Variants in COL23A1 observed in about 807,000 individuals in gnomAD.
COL23A1 encodes collagen alpha-1(XXIII) chain.
Under a neutral mutation model 99.3 loss-of-function variants are expected in COL23A1, and 97 were observed. The observed-to-expected ratio is 0.98, with a 90% confidence interval of 0.83 to 1.16. COL23A1 has a LOEUF of 1.16. Among genes scored for constraint, COL23A1 ranks in the 50% most tolerant of loss-of-function variants. COL23A1 has a pLI of 0.00. For missense variants in COL23A1, 762 were observed against 757.4 expected (o/e 1.01, Z -0.07); for synonymous variants, 320 against 308.2 (o/e 1.04, Z -0.40).
chr5:178,455,201 A>G (rs1767704016), intron 2 of COL23A1, among the ~76,000 whole-genome samples: 3 of 152,194 alleles, frequency 2.0e-5, no homozygotes, highest in Admixed American at 6.5e-5. Context: ...ACACAGTTCA[A>G]CCCGTACCAC....
At chr5:178,487,625 A>T (rs1757707506) in intron 2 of COL23A1, among the ~76,000 whole-genome samples, 1 of 152,184 alleles carries the variant, frequency 6.6e-6, no homozygotes, top group African/African-American at 2.4e-5. Flanking sequence ...TGTCCGGGGA[A>T]TGACTCCGGA....
intron 2 of COL23A1, among the ~76,000 whole-genome samples, chr5:178,348,440 C>T (rs748081): frequency 5.9e-5 from 9 of 151,974 alleles, no homozygotes; most frequent in East Asian, 1.9e-4. Flanking sequence ...CCACCCCCAC[C>T]GCAGCCCTGT....
chr5:178,381,875 A>T (rs1763399093), intron 2 of COL23A1, among the ~76,000 whole-genome samples: 1 of 152,096 alleles, frequency 6.6e-6, no homozygotes, highest in African/African-American at 2.4e-5. Context: ...AGCTCAAACC[A>T]TCCTTCCGCC....
chr5:178,498,683 TA>T (rs1758364775), intron 2 of COL23A1, among the ~76,000 whole-genome samples: 1 of 152,082 alleles, frequency 6.6e-6, no homozygotes, highest in South Asian at 2.1e-4. Flanking sequence ...CATATCTAAG[TA>T]GAGTAAAATT....
At chr5:178,399,502 C>T (rs566878627) in intron 2 of COL23A1, among the ~76,000 whole-genome samples, 12 of 152,290 alleles carry the variant, frequency 7.9e-5, no homozygotes, top group Non-Finnish European at 1.0e-4. Context: ...CTTGTTGAGC[C>T]GATTGCTGGG....
chr5:178,497,276 A>G (rs992000483), intron 2 of COL23A1, among the ~76,000 whole-genome samples: 19 of 152,236 alleles, frequency 1.2e-4, no homozygotes, highest in African/African-American at 3.9e-4. Flanking sequence ...ATCAGGACAC[A>G]GAGCCTCAAG....
At chr5:178,269,048 G>C (rs1001206412) in intron 6 of COL23A1, among the ~76,000 whole-genome samples, 2 of 152,126 alleles carry the variant, frequency 1.3e-5, no homozygotes, top group African/African-American at 4.8e-5. Flanking sequence ...TCCTCCCAGA[G>C]AGCACACACG....
At chr5:178,263,148 G>C in intron 9 of COL23A1, 60 bp downstream of exon 9, 3 of 1,222,900 alleles carry the variant, frequency 2.5e-6, no homozygotes, top group Non-Finnish European at 3.6e-6. Flanking sequence ...GCTGGCTCTG[G>C]AATCAGGATT....
intron 2 of COL23A1, among the ~76,000 whole-genome samples, chr5:178,359,119 G>T (rs1581226124): frequency 6.6e-6 from 1 of 152,330 alleles, no homozygotes; most frequent in Non-Finnish European, 1.5e-5. Flanking sequence ...GCTCAGTTTT[G>T]ATTCTGGCAC....
intron 2 of COL23A1, among the ~76,000 whole-genome samples, chr5:178,311,718 TTTTTG>T (rs1205265176): frequency 1.9e-5 from 1 of 51,978 alleles, no homozygotes; most frequent in Non-Finnish European, 4.8e-5. Context: ...GTGTAACTGT[TTTTTG>T]TTTTGTTTTG....
intron 2 of COL23A1, among the ~76,000 whole-genome samples, chr5:178,534,116 C>A (rs1258066132): frequency 6.6e-6 from 1 of 152,122 alleles, no homozygotes; most frequent in African/African-American, 2.4e-5. Context: ...AACAAAATAC[C>A]ATAGACTGGG....
rs375552789 is a variant in COL23A1 at position 178,360,303 on chromosome 5, C to T, written c.362-53384G>A. ...GAAAGTAGAATAAGAATAGAAACTG[C>T]GAAGCTTTTTTTCAAGGAAAGTACG... On this transcript the variant is annotated intron_variant, in intron 2 of 28. Transcript: ENST00000390654. Among the ~76,000 whole-genome samples the T allele has an allele frequency of 1.1e-4, 16 of 152,344 alleles. 1 individual carries two copies. In the South Asian group the frequency reaches 1.2e-3, roughly 12 times the overall value.
At chr5:178,492,608 A>G (rs1757990057) in intron 2 of COL23A1, among the ~76,000 whole-genome samples, 1 of 151,940 alleles carries the variant, frequency 6.6e-6, no homozygotes, top group South Asian at 2.1e-4. Context: ...GCAGTGATCC[A>G]TGCCACAACG....
Position 178,365,356 on chromosome 5 carries a change from C to T in COL23A1, c.362-58437G>A, listed in dbSNP as rs1457595456. ...CGGTGGCTGTCCCAGGCTCTGTCCT[C>T]CCTGCATATGGCCTCAGGCAGCTCA... On this transcript the variant is annotated intron_variant, in intron 2 of 28. Transcript: ENST00000390654. The surrounding 1 kb of genome is among the most constrained non-coding windows in gnomAD (Gnocchi z 5.2). 6.6e-6 allele frequency among the ~76,000 whole-genome samples: 1 copy of T among 152,068 alleles called. No homozygotes were observed. Among genetic ancestry groups the T allele is most frequent in the Non-Finnish European group, 1.5e-5 (1 of 67,992 alleles).
At chr5:178,320,763 C>T (rs1019663979) in intron 2 of COL23A1, among the ~76,000 whole-genome samples, 3 of 152,228 alleles carry the variant, frequency 2.0e-5, no homozygotes, top group African/African-American at 7.2e-5. Context: ...GCTGTTGGGC[C>T]GGGTCTGATG....
intron 6 of COL23A1, among the ~76,000 whole-genome samples, chr5:178,270,019 T>C (rs557076027): frequency 6.6e-6 from 1 of 152,308 alleles, no homozygotes; most frequent in African/African-American, 2.4e-5. Flanking sequence ...GGTGCTCGCA[T>C]GCTTTGAGGG....
chr5:178,334,808 G>A (rs951633270), intron 2 of COL23A1, among the ~76,000 whole-genome samples: 1 of 152,194 alleles, frequency 6.6e-6, no homozygotes, highest in African/African-American at 2.4e-5. Context: ...TAGGAGGTGG[G>A]AATATTATTA....
At chr5:178,273,987 G>GA (rs1217384027) in intron 5 of COL23A1, among the ~76,000 whole-genome samples, 1 of 152,236 alleles carries the variant, frequency 6.6e-6, no homozygotes, top group African/African-American at 2.4e-5. Flanking sequence ...TTACCCTACA[G>GA]AATGCCTTTC....
At position 178,444,417 on chromosome 5, in the gene COL23A1, T is replaced by A. The variant is rs538470238; in HGVS notation, c.361+116265A>T. Among the ~76,000 whole-genome samples the A allele has an allele frequency of 1.3e-5, 2 of 152,184 alleles. 1 individual carries two copies. Among genetic ancestry groups the A allele is most frequent in the Non-Finnish European group, 2.9e-5 (2 of 68,030 alleles). ...TCTACTTTGGATATGTGTAGTTTTG[T>A]ATTAGAGTTTTCCTCTGTGTCTCTT... On this transcript the variant is annotated intron_variant, in intron 2 of 28. Transcript: ENST00000390654.
Sources: allele counts gnomAD v4.1 joint callset (sites outside exome capture counted in the v4.1 genomes callset), GRCh38; gene constraint gnomAD v4.1.1; non-coding constraint Gnocchi (gnomAD v3.1); transcripts MANE v1.5; gene names NCBI Gene and HGNC (gene_info 2026-07-23, HGNC 2026-07-21).